VPS9D1: variants seen among roughly 807,000 people sequenced by gnomAD.
VPS9D1 encodes VPS9 domain containing 1.
Under a neutral mutation model 75.8 loss-of-function variants are expected in VPS9D1, and 78 were observed. The ratio of observed to expected loss-of-function variants is 1.03; its 90% CI spans 0.86 to 1.24. The LOEUF (loss-of-function observed/expected upper bound fraction) is 1.24, where lower values mean the gene tolerates loss of function less well. Among genes scored for constraint, VPS9D1 ranks in the 50% most tolerant of loss-of-function variants. The pLI, the probability that VPS9D1 is intolerant of heterozygous loss-of-function variation, is 0.00. For missense variants in VPS9D1, 1,057 were observed against 847.7 expected (o/e 1.25, Z -3.07); for synonymous variants, 481 against 385.6 (o/e 1.25, Z -2.90).
intron 7 of VPS9D1, 25 bp downstream of exon 7, chr16:89,712,022 C>A: frequency 1.3e-6 from 2 of 1,549,384 alleles, no homozygotes; most frequent in Non-Finnish European, 1.7e-6. Context: ...CCCGCAGCGG[C>A]CCCAGGGGCG....
chr16:89,720,243 C>G (rs1201540481), intron 1 of VPS9D1, among the ~76,000 whole-genome samples: 1 of 152,162 alleles, frequency 6.6e-6, no homozygotes, highest in East Asian at 1.9e-4. Flanking sequence ...GCTGGGCCAG[C>G]TTCTCTACCT....
In VPS9D1 at chr16:89,707,864, C is replaced by T. The variant is rs979933904; in HGVS notation, c.1893G>A (p.Lys631=). ...GGGACCCTGGGCTCTAGCTGTACTA[C>T]TTGGCCAGGCCTCCCCGGGGCAGCA... The part of the protein sequence containing the change: ...VELLPRGGLA[K] Residue 631 remains lysine, a synonymous_variant, in exon 15 of 15, where the codon AAG becomes AAA. Coordinates refer to ENST00000389386, the MANE Select transcript of VPS9D1 (RefSeq NM_004913.3). The T allele has an allele frequency of 4.3e-6, 7 of 1,612,922 alleles. No homozygotes were observed. Among genetic ancestry groups the T allele is most frequent in the Admixed American group, 3.3e-5 (2 of 59,978 alleles).
chr16:89,710,547 A>G lies in VPS9D1; in HGVS notation c.1258+39T>C, dbSNP rs538171823. On this transcript the variant is annotated intron_variant, in intron 10 of 14. Transcript: ENST00000389386. ...GAAACGGACCAATAAGCAGGGGTGA[A>G]GAGCTGCGGCGGCTCTCCCAGGGAG... 1.4e-5 allele frequency: 22 copies of G among 1,550,930 alleles called. 1 individual carries two copies. The South Asian group carries it at 2.6e-4, about 19-fold the overall frequency.
intron 1 of VPS9D1, chr16:89,720,383 CCT>C (rs2061222250): frequency 4.0e-6 from 4 of 993,652 alleles, no homozygotes; most frequent in Non-Finnish European, 4.8e-6. Flanking sequence ...CATGCCGTCC[CCT>C]GTGGCAACCG....
intron 14 of VPS9D1, 40 bp downstream of exon 14, chr16:89,708,387 C>T (rs1293042814): frequency 5.1e-6 from 8 of 1,569,528 alleles, no homozygotes; most frequent in Non-Finnish European, 5.2e-6. Flanking sequence ...GGTCCCTGCT[C>T]TTCGCACAGA....
intron 1 of VPS9D1, chr16:89,720,355 G>T (rs765370725): frequency 3.2e-6 from 3 of 933,340 alleles, no homozygotes; most frequent in Non-Finnish European, 3.8e-6. Flanking sequence ...CAAATGAGCA[G>T]GTATGTGGCC....
At position 89,709,405 on chromosome 16, in the gene VPS9D1, C is replaced by T. The variant is rs1417510625; in HGVS notation, c.1419G>A (p.Leu473=). ...RSVHRAREAA[L]SRSMELYRNA... is the part of the protein sequence containing the mutation. ...TCCTGTAGAGCTCCATGCTCCTGCT[C>T]AGGGCAGCCTCCCGGGCTCGGTGCA... Residue 473 remains leucine, a synonymous_variant, in exon 12 of 15, where the codon CTG becomes CTA. Transcript: ENST00000389386. The T allele has an allele frequency of 1.3e-6, 2 of 1,527,320 alleles. No homozygotes were observed. Among genetic ancestry groups the T allele is most frequent in the Non-Finnish European group, 8.7e-7 (1 of 1,143,964 alleles). The allele number at this position is 1,527,320 out of a possible 1,614,324, so 94.6% of individuals were successfully genotyped here. A position where few individuals can be genotyped will look rare whatever the true frequency, so the allele number is the denominator to read the frequency against.
At position 89,707,718 on chromosome 16, in the gene VPS9D1, A is replaced by T; in HGVS notation, c.*143T>A. 2.9e-6 allele frequency: 2 copies of T among 698,902 alleles called. No homozygotes were observed. The highest frequency in any genetic ancestry group is 2.4e-6 in the Non-Finnish European group (1 of 410,676). 43.3% of individuals were successfully genotyped at this position (698,902 alleles called of 1,614,324 possible). A position where few individuals can be genotyped will look rare whatever the true frequency, so the allele number is the denominator to read the frequency against. On this transcript the variant is annotated 3_prime_UTR_variant, in exon 15 of 15. Transcript: ENST00000389386. ...AGGAAGGTGAAGAGCTGGAGAGCAC[A>T]CCACAGTGGACAAGCCCCCACCATG...
Position 89,719,007 on chromosome 16 carries a change from C to T in VPS9D1, c.175+20G>A, listed in dbSNP as rs773447914. The T allele has an allele frequency of 6.2e-7, 1 of 1,608,542 alleles. No homozygotes were observed. Among genetic ancestry groups the T allele is most frequent in the South Asian group, 1.1e-5 (1 of 90,994 alleles). On this transcript the variant is annotated intron_variant, in intron 2 of 14. Transcript: ENST00000389386. Reference sequence around the variant, plus strand: ...GGGATTACAGGCGTGAGCCACCGCGCCCGGCTGGCTGAGCCGTACCTTTAG... The same window carrying T: ...GGGATTACAGGCGTGAGCCACCGCGTCCGGCTGGCTGAGCCGTACCTTTAG...
Position 89,712,527 on chromosome 16 carries a change from G to A in VPS9D1, c.544-5C>T, listed in dbSNP as rs751505527. 7.4e-6 allele frequency: 12 copies of A among 1,612,098 alleles called. No individual in the cohort carries two copies. The East Asian group carries it at 1.1e-4, about 15-fold the overall frequency. On this transcript the variant is annotated splice_polypyrimidine_tract_variant and splice_region_variant and intron_variant, in intron 5 of 14. Coordinates refer to ENST00000389386, the MANE Select transcript of VPS9D1 (RefSeq NM_004913.3). ...CTGCCGCTGTAGAGAGAGGGTCTGG[G>A]GGGGGAGGAGGGAGTAAGGCCGACT...
At chr16:89,711,142 C>A in intron 9 of VPS9D1, 132 bp from the exon 10 acceptor site, 20 of 1,215,486 alleles carry the variant, frequency 1.6e-5, no homozygotes, top group Non-Finnish European at 2.2e-5. Flanking sequence ...AAAGTCTGCC[C>A]CCCGCCCCCG....
intron 6 of VPS9D1, 101 bp downstream of exon 6, chr16:89,712,359 C>T: frequency 1.3e-6 from 2 of 1,544,312 alleles, no homozygotes; most frequent in Non-Finnish European, 1.8e-6. Context: ...TGTACCCCGA[C>T]CCCGGAACCT....
At chr16:89,711,448 G>A in intron 8 of VPS9D1, 36 bp from the exon 9 acceptor site, 2 of 1,561,762 alleles carry the variant, frequency 1.3e-6, no homozygotes, top group African/African-American at 1.4e-5. Context: ...AAGCACGGTG[G>A]GTCCGCCACG....
intron 4 of VPS9D1, among the ~76,000 whole-genome samples, chr16:89,714,387 T>G (rs1344915125): frequency 1.3e-5 from 2 of 152,210 alleles, no homozygotes; most frequent in Admixed American, 1.3e-4. Context: ...ACAGCCAGAT[T>G]AGTCTGTGAC....
At chr16:89,708,073 G>T in intron 14 of VPS9D1, 119 bp from the exon 15 acceptor site, 1 of 946,150 alleles carries the variant, frequency 1.1e-6, no homozygotes. Flanking sequence ...GTGGGCAGGT[G>T]GGGCTGTCAG....
In VPS9D1 at chr16:89,707,880, C is replaced by T. The variant is rs61747704; in HGVS notation, c.1877G>A (p.Arg626Gln). Residue 626 changes from arginine (R) to glutamine (Q), a missense_variant, in exon 15 of 15, where the codon CGG becomes CAG. Physicochemically the swap from Arg to Gln is conservative, Grantham distance 43. Coordinates refer to ENST00000389386, the MANE Select transcript of VPS9D1 (RefSeq NM_004913.3). ...SALSYVELLPRGGLAK is the reference protein window; with the variant it reads ...SALSYVELLPQGGLAK Reference sequence around the variant, plus strand: ...GCTGTACTACTTGGCCAGGCCTCCCCGGGGCAGCAGCTCCACGTAGCTCAG... The same window carrying T: ...GCTGTACTACTTGGCCAGGCCTCCCTGGGGCAGCAGCTCCACGTAGCTCAG... 180 of 1,613,082 alleles carry T rather than the reference C, an allele frequency of 1.1e-4. No individual in the cohort carries two copies. The African/African-American group carries it at 1.7e-3, about 16-fold the overall frequency.
At position 89,709,369 on chromosome 16, in the gene VPS9D1, G is replaced by A. The variant is rs2060863834; in HGVS notation, c.1455C>T (p.Pro485=). ...RSMELYRNAP[P]TAIGIPTKLL... is the part of the protein sequence containing the mutation. ...GCTTGGTGGGGATGCCAATGGCGGT[G>A]GGGGGTGCATTCCTGTAGAGCTCCA... Residue 485 remains proline, a synonymous_variant, in exon 12 of 15, where the codon CCC becomes CCT. Transcript: ENST00000389386. 6.4e-7 allele frequency: 1 copy of A among 1,570,586 alleles called. No individual in the cohort carries two copies. The highest frequency in any genetic ancestry group is 8.6e-7 in the Non-Finnish European group (1 of 1,162,434).
chr16:89,720,754 C>A lies in VPS9D1; in HGVS notation c.99+9G>T. On this transcript the variant is annotated intron_variant, in intron 1 of 14. Coordinates refer to ENST00000389386, the MANE Select transcript of VPS9D1 (RefSeq NM_004913.3). ...TCAGCGGCCAAGCCCCGCCCCCGCC[C>A]CGCCTCACCCGGGGCCGGTTGCCGG... 6.9e-7 allele frequency: 1 copy of A among 1,441,118 alleles called. No individual in the cohort carries two copies. The highest frequency in any genetic ancestry group is 9.1e-7 in the Non-Finnish European group (1 of 1,093,646). The allele number at this position is 1,441,118 out of a possible 1,614,324, so 89.3% of individuals were successfully genotyped here.
rs936930161 is a variant in VPS9D1 at position 89,720,881 on chromosome 16, G to A, written c.-20C>T. The A allele has an allele frequency of 6.0e-6, 8 of 1,343,548 alleles. No homozygotes were observed. Among genetic ancestry groups the A allele is most frequent in the Non-Finnish European group, 6.7e-6 (7 of 1,045,118 alleles). The allele number at this position is 1,343,548 out of a possible 1,614,324, so 83.2% of individuals were successfully genotyped here. A position where few individuals can be genotyped will look rare whatever the true frequency, so the allele number is the denominator to read the frequency against. ...GGCCATGGCGCCGAGCGGGGGAGGC[G>A]GCGGCGGTAGCCGAGGGGCTGGACG... On this transcript the variant is annotated 5_prime_UTR_variant, in exon 1 of 15. Coordinates refer to ENST00000389386, the MANE Select transcript of VPS9D1 (RefSeq NM_004913.3).
Sources: gnomAD v4.1 joint callset for allele counts (sites outside exome capture counted in the v4.1 genomes callset) on GRCh38, gnomAD v4.1.1 for gene constraint, MANE v1.5 for transcripts, NCBI Gene and HGNC (gene_info 2026-07-23, HGNC 2026-07-21) for gene names.